The following C1S variants were observed in gnomAD, a reference collection of about 807,000 sequenced individuals.
The protein encoded by C1S is complement C1s subcomponent.
C1S carries 31 observed loss-of-function variants against 54.0 expected under a neutral mutation model. That is an observed-to-expected ratio of 0.57 (90% CI 0.43 to 0.78). The LOEUF (loss-of-function observed/expected upper bound fraction) is 0.78. Ranked by LOEUF, C1S falls within the 30% of genes least tolerant of loss-of-function variation. C1S has a pLI of 0.00. For synonymous variants in C1S, 292 were observed against 303.6 expected, an observed-to-expected ratio of 0.96 and a Z score of 0.40; for missense variants, 727 against 851.8, an observed-to-expected ratio of 0.85 and a Z score of 1.82.
chr12:7,070,066 C>G lies in C1S; in HGVS notation c.1482C>G (p.Thr494=), dbSNP rs74057267. 7.4e-5 allele frequency: 120 copies of G among 1,614,098 alleles called. No homozygotes were observed. The African/African-American group carries it at 1.5e-3, about 21-fold the overall frequency. Residue 494 remains threonine (T), a synonymous_variant, in exon 12 of 12, where the codon ACC becomes ACG. Coordinates refer to ENST00000360817, the MANE Select transcript of C1S (RefSeq NM_001734.5). This position sits in a 1 kb window ranked among gnomAD's most constrained non-coding sequence, Gnocchi z 4.9. ...TMYVGSTSVQ[T]SRLAKSKMLT... The stretch of plus-strand genomic sequence containing the variant: ...ATGTTGGGTCCACCTCAGTGCAGAC[C>G]TCACGGCTGGCAAAATCCAAGATGC...
In C1S at chr12:7,068,952, C is replaced by T. The variant is rs782238094; in HGVS notation, c.1270+422C>T. ...AATGAGGAAGATAAGAGTTGGGTAG[C>T]AGAAGGCTGAGGCAAATCCAATAGG... On this transcript the variant is annotated intron_variant, in intron 11 of 11. Coordinates refer to ENST00000360817, the MANE Select transcript of C1S (RefSeq NM_001734.5). 4.1e-5 allele frequency: 9 copies of T among 217,520 alleles called. No homozygotes were observed. In the East Asian group the frequency reaches 8.9e-4, roughly 21 times the overall value. The allele number at this position is 217,520 out of a possible 1,614,324, so 13.5% of individuals were successfully genotyped here.
intron 5 of C1S, among the ~76,000 whole-genome samples, 162 bp from the exon 6 acceptor site, chr12:7,064,938 G>A (rs1947151535): frequency 6.6e-6 from 1 of 152,164 alleles, no homozygotes; most frequent in Admixed American, 6.5e-5. Context: ...CTACTGATAC[G>A]TATTGCACGT....
Position 7,063,072 on chromosome 12 carries a change from G to A in C1S, c.391+5G>A. ...CTGCATACTATGTTGCCACAGGTAA[G>A]GCTCACCCTTCTGCATGTGCCTTAT... is the stretch of plus-strand genomic sequence containing the variant. On this transcript the variant is annotated splice_donor_5th_base_variant and intron_variant, in intron 4 of 11. Coordinates refer to ENST00000360817, the MANE Select transcript of C1S (RefSeq NM_001734.5). The A allele has an allele frequency of 6.2e-7, 1 of 1,612,132 alleles. No homozygotes were observed. Among genetic ancestry groups the A allele is most frequent in the Non-Finnish European group, 8.5e-7 (1 of 1,179,786 alleles).
At chr12:7,061,778 C>A in intron 1 of C1S, 61 bp from the exon 2 acceptor site, 1 of 926,616 alleles carries the variant, frequency 1.1e-6, no homozygotes, top group Non-Finnish European at 1.8e-6. Flanking sequence ...GGTGACGCCG[C>A]ACCACCAAAG....
In C1S at chr12:7,070,165, T is replaced by C; in HGVS notation, c.1581T>C (p.Asp527=). ...TCCCAGAAGGACGAACCAATTTTGATAATGACATTGCACTGGTGCGGCTGA... is the reference window on the plus strand; with the variant it reads ...TCCCAGAAGGACGAACCAATTTTGACAATGACATTGCACTGGTGCGGCTGA... The part of the protein sequence containing the change: ...LEVPEGRTNF[D]NDIALVRLKD... Residue 527 remains aspartate, a synonymous_variant, in exon 12 of 12, where the codon GAT becomes GAC. Transcript: ENST00000360817. This position sits in a 1 kb window ranked among gnomAD's most constrained non-coding sequence, Gnocchi z 4.9. 1 of 1,614,220 alleles carries C rather than the reference T, an allele frequency of 6.2e-7. No individual in the cohort carries two copies. Among genetic ancestry groups the C allele is most frequent in the African/African-American group, 1.3e-5 (1 of 75,054 alleles).
chr12:7,070,801 G>A lies in C1S; in HGVS notation c.*150G>A. On this transcript the variant is annotated 3_prime_UTR_variant, in exon 12 of 12. Coordinates refer to ENST00000360817, the MANE Select transcript of C1S (RefSeq NM_001734.5). The surrounding 1 kb of genome is among the most constrained non-coding windows in gnomAD (Gnocchi z 4.9). The stretch of plus-strand genomic sequence containing the variant: ...TGATTGTTGAGACGCCTTGCTAGAG[G>A]TAGAGTTTGATCATAGAATTGTGCT... The A allele has an allele frequency of 1.4e-6, 1 of 736,416 alleles. No homozygotes were observed. The highest frequency in any genetic ancestry group is 2.1e-5 in the Admixed American group (1 of 47,520). 45.6% of individuals were successfully genotyped at this position (736,416 alleles called of 1,614,324 possible). A position where few individuals can be genotyped will look rare whatever the true frequency, so the allele number is the denominator to read the frequency against.
intron 7 of C1S, 36 bp from the exon 8 acceptor site, chr12:7,066,482 A>AT (rs782451423): frequency 8.2e-7 from 1 of 1,226,870 alleles, no homozygotes; most frequent in East Asian, 2.3e-5. Context: ...CTATTTAGTA[A>AT]TTTTTTCCTC....
chr12:7,063,397 T>A (rs782496921), intron 4 of C1S: 5 of 470,708 alleles, frequency 1.1e-5, no homozygotes, highest in South Asian at 7.8e-5. Flanking sequence ...TATTATTTGC[T>A]CCATATAAAG....
intron 4 of C1S, among the ~76,000 whole-genome samples, chr12:7,063,600 A>G (rs1215779068): frequency 6.6e-6 from 1 of 152,252 alleles, no homozygotes; most frequent in East Asian, 1.9e-4. Context: ...CAGAAGGACC[A>G]ACATCATATA....
In C1S at chr12:7,069,877, C is replaced by T. The variant is rs781933135; in HGVS notation, c.1293C>T (p.Pro431=). 7 of 1,614,128 alleles carry T rather than the reference C, an allele frequency of 4.3e-6. No homozygotes were observed. The Admixed American group carries it at 1.2e-4, about 27-fold the overall frequency. The change falls in exon 12 of 12, where the codon CCC becomes CCT. Residue 431 remains proline, a synonymous_variant. Coordinates refer to ENST00000360817, the MANE Select transcript of C1S (RefSeq NM_001734.5). The part of the protein sequence containing the change: ...CVPVCGVPRE[P]FEEKQRIIGG... ...TAGTCTGTGGAGTCCCCAGAGAACCCTTTGAAGAAAAACAGAGGATAATTG... is the reference window on the plus strand; with the variant it reads ...TAGTCTGTGGAGTCCCCAGAGAACCTTTTGAAGAAAAACAGAGGATAATTG...
chr12:7,068,277 C>G (rs781938873), intron 10 of C1S, among the ~76,000 whole-genome samples, 179 bp from the exon 11 acceptor site: 1 of 152,246 alleles, frequency 6.6e-6, no homozygotes, highest in African/African-American at 2.4e-5. Flanking sequence ...AGGCTAGAGG[C>G]CTGAGGGATT....
Position 7,070,119 on chromosome 12 carries a change from C to T in C1S, c.1535C>T (p.Pro512Leu), listed in dbSNP as rs1555162972. Residue 512 changes from proline (P) to leucine (L), a missense_variant, in exon 12 of 12, where the codon CCG (proline) becomes CTG (leucine). Physicochemically the swap from Pro to Leu is moderately conservative, Grantham distance 98. Around this residue, in one of 3 missense-constraint regions of C1S, gnomAD observed 360 missense variants for 453.6 expected, o/e 0.79. Transcript: ENST00000360817. This position sits in a 1 kb window ranked among gnomAD's most constrained non-coding sequence, Gnocchi z 4.9. The stretch of plus-strand genomic sequence containing the variant: ...ACTCCTGAGCATGTGTTTATTCATC[C>T]GGGATGGAAGCTGCTGGAAGTCCCA... ...MLTPEHVFIH[P>L]GWKLLEVPEG... is the part of the protein sequence containing the mutation. 10 of 1,614,144 alleles carry T rather than the reference C, an allele frequency of 6.2e-6. No individual in the cohort carries two copies. The highest frequency in any genetic ancestry group is 2.2e-5 in the East Asian group (1 of 44,884).
intron 10 of C1S, 159 bp downstream of exon 10, chr12:7,067,930 G>GT: frequency 1.3e-6 from 1 of 794,804 alleles, no homozygotes; most frequent in Admixed American, 2.0e-5. Context: ...GTTTTCATCT[G>GT]GAGCAGGGCA....
chr12:7,065,691 T>C, intron 6 of C1S, 126 bp from the exon 7 acceptor site: 1 of 853,384 alleles, frequency 1.2e-6, no homozygotes, highest in Non-Finnish European at 1.9e-6. Context: ...TTATCTTTTC[T>C]CCTGACCCTT....
intron 6 of C1S, 181 bp downstream of exon 6, chr12:7,065,480 T>G (rs1555162037): frequency 1.4e-6 from 1 of 695,358 alleles, no homozygotes. Context: ...CTCAGCCTCC[T>G]GAGTAGCTGG....
chr12:7,067,775 G>T lies in C1S; in HGVS notation c.1195+4G>T. On this transcript the variant is annotated splice_donor_region_variant and intron_variant, in intron 10 of 11. Transcript: ENST00000360817. ...TACATGGAAAATGGAGGAGGTGGTA[G>T]GTTTCTTCTACTGGAGAAGAGAGAG... The T allele has an allele frequency of 6.2e-7, 1 of 1,613,764 alleles. No homozygotes were observed. Among genetic ancestry groups the T allele is most frequent in the Non-Finnish European group, 8.5e-7 (1 of 1,179,674 alleles).
chr12:7,061,796 T>G (rs1555161299), intron 1 of C1S, 43 bp from the exon 2 acceptor site: 1 of 1,132,676 alleles, frequency 8.8e-7, no homozygotes, highest in African/African-American at 1.5e-5. Context: ...AAGAAGGTGC[T>G]TGTGTTTGTC....
intron 8 of C1S, 100 bp from the exon 9 acceptor site, chr12:7,066,939 G>C: frequency 2.3e-6 from 2 of 854,458 alleles, no homozygotes; most frequent in South Asian, 2.7e-5. Flanking sequence ...CTTGTGGTGA[G>C]GACTCCTCAT....
rs1947154065 is a variant in C1S at position 7,065,112 on chromosome 12, G to A, written c.530G>A (p.Gly177Glu). ...DMKNCGVNCS[G>E]DVFTALIGEI... ...TTTTCTCTGTTAGTTAATTGCAGTGGGGATGTATTCACTGCACTGATTGGG... is the reference window on the plus strand; with the variant it reads ...TTTTCTCTGTTAGTTAATTGCAGTGAGGATGTATTCACTGCACTGATTGGG... The change falls in exon 6 of 12, where the codon GGG becomes GAG. Residue 177 changes from glycine to glutamate, a missense_variant. Gly to Glu is a moderately conservative substitution (Grantham distance 98, BLOSUM62 -2). Coordinates refer to ENST00000360817, the MANE Select transcript of C1S (RefSeq NM_001734.5). 6.2e-7 allele frequency: 1 copy of A among 1,612,414 alleles called. No individual in the cohort carries two copies.
Sources: allele counts gnomAD v4.1 joint callset (sites outside exome capture counted in the v4.1 genomes callset), GRCh38; gene constraint gnomAD v4.1.1; regional missense constraint gnomAD v4.1.1; non-coding constraint Gnocchi (gnomAD v3.1); transcripts MANE v1.5; gene names NCBI Gene and HGNC (gene_info 2026-07-23, HGNC 2026-07-21).